ADAMTS12: variants seen among roughly 807,000 people sequenced by gnomAD.
ADAMTS12 encodes the protein A disintegrin and metalloproteinase with thrombospondin motifs 12.
A neutral mutation model predicts 167.8 loss-of-function variants in ADAMTS12; 118 were observed. The observed-to-expected ratio is 0.70, with a 90% confidence interval of 0.61 to 0.82. The LOEUF is 0.82. ADAMTS12 is among the 40% of genes least tolerant of loss of function. The probability of loss-of-function intolerance (pLI) is 0.00; values close to 1 mark genes in which losing one functional copy is unlikely to be tolerated. For missense variants in ADAMTS12, 1,916 were observed against 1,998.8 expected, an observed-to-expected ratio of 0.96 and a Z score of 0.79; for synonymous variants, 704 against 716.9, an observed-to-expected ratio of 0.98 and a Z score of 0.29.
chr5:33,551,857 C>T (rs1393555674), intron 20 of ADAMTS12, among the ~76,000 whole-genome samples: 2 of 152,194 alleles, frequency 1.3e-5, no homozygotes, highest in African/African-American at 4.8e-5. Flanking sequence ...CACTCCAGTC[C>T]TAACGCTCTT....
intron 16 of ADAMTS12, among the ~76,000 whole-genome samples, chr5:33,604,631 G>T (rs1452848301): frequency 2.1e-5 from 3 of 143,094 alleles, no homozygotes; most frequent in South Asian, 4.4e-4. Flanking sequence ...TTCTAATCAA[G>T]AGCTCAGCCG....
chr5:33,886,986 C>A (rs926168262), intron 1 of ADAMTS12, among the ~76,000 whole-genome samples: 5 of 151,926 alleles, frequency 3.3e-5, no homozygotes, highest in African/African-American at 1.2e-4. Flanking sequence ...AACTTGGCTA[C>A]CCGGGATCAC....
chr5:33,870,811 C>A (rs1750012466), intron 2 of ADAMTS12, among the ~76,000 whole-genome samples: 1 of 152,142 alleles, frequency 6.6e-6, no homozygotes, highest in South Asian at 2.1e-4. Flanking sequence ...GTAGTGCCTA[C>A]CCCTTCGCTT....
At chr5:33,541,411 C>T (rs1432313591) in intron 22 of ADAMTS12, among the ~76,000 whole-genome samples, 1 of 152,182 alleles carries the variant, frequency 6.6e-6, no homozygotes, top group Non-Finnish European at 1.5e-5. Context: ...AAACACTCTT[C>T]AAGATATTAT....
intron 3 of ADAMTS12, among the ~76,000 whole-genome samples, chr5:33,745,090 T>C (rs1744733107): frequency 6.6e-6 from 1 of 152,176 alleles, no homozygotes; most frequent in African/African-American, 2.4e-5. Context: ...AGCACTGGCA[T>C]TGCAGGCATG....
At position 33,878,992 on chromosome 5, in the gene ADAMTS12, A is replaced by C. The variant is rs576632101; in HGVS notation, c.489+2127T>G. ...AAGCAAATCTACAGAGACCAAATGT[A>C]GATCAGTGGTTCCCTAGGAGTGGAG... On this transcript the variant is annotated intron_variant, in intron 2 of 23. Coordinates refer to ENST00000504830, the MANE Select transcript of ADAMTS12 (RefSeq NM_030955.4). Among the ~76,000 whole-genome samples, 10 of 152,346 alleles carry C rather than the reference A, an allele frequency of 6.6e-5. No individual in the cohort carries two copies. The East Asian group carries it at 1.9e-3, about 29-fold the overall frequency.
At chr5:33,535,648 G>C (rs1025624804) in intron 22 of ADAMTS12, among the ~76,000 whole-genome samples, 4 of 152,172 alleles carry the variant, frequency 2.6e-5, no homozygotes, top group African/African-American at 9.7e-5. Flanking sequence ...ATGAGTATAT[G>C]GAGTGAAACA....
At chr5:33,545,591 G>T (rs1177361779) in intron 22 of ADAMTS12, among the ~76,000 whole-genome samples, 3 of 152,088 alleles carry the variant, frequency 2.0e-5, no homozygotes, top group Admixed American at 2.0e-4. Context: ...ATTCACAACA[G>T]CAAAGACTTG....
chr5:33,737,315 A>G (rs79610522), intron 3 of ADAMTS12, among the ~76,000 whole-genome samples: 5,409 of 152,230 alleles, frequency 0.036, 331 homozygotes, highest in African/African-American at 0.12. Flanking sequence ...AAGTTTCCCA[A>G]TCCCTTATCT....
intron 3 of ADAMTS12, among the ~76,000 whole-genome samples, chr5:33,688,087 C>A (rs893035280): frequency 2.0e-5 from 3 of 152,164 alleles, no homozygotes; most frequent in African/African-American, 7.2e-5. Flanking sequence ...TCTTCTTTGG[C>A]CTTTGCCCCA....
chr5:33,723,145 C>T (rs925887475), intron 3 of ADAMTS12, among the ~76,000 whole-genome samples: 7 of 152,190 alleles, frequency 4.6e-5, no homozygotes, highest in Non-Finnish European at 1.0e-4. Flanking sequence ...TGCTCTCCTC[C>T]TATGCCCTCA....
At chr5:33,784,173 T>G (rs957649294) in intron 2 of ADAMTS12, among the ~76,000 whole-genome samples, 5 of 151,652 alleles carry the variant, frequency 3.3e-5, no homozygotes, top group African/African-American at 1.2e-4. Flanking sequence ...TAACAGAAAC[T>G]TCAGGAAACT....
At chr5:33,881,053 G>C (rs766513764) in intron 2 of ADAMTS12, 66 bp downstream of exon 2, 30 of 1,563,184 alleles carry the variant, frequency 1.9e-5, no homozygotes, top group Non-Finnish European at 2.6e-5. Flanking sequence ...CCTGTTGGTA[G>C]TAGGTCTACC....
rs530557328 is a variant in ADAMTS12 at position 33,772,661 on chromosome 5, T to C, written c.490-21113A>G. 1.2e-3 allele frequency among the ~76,000 whole-genome samples: 186 copies of C among 152,328 alleles called. 1 individual carries two copies. The highest frequency in any genetic ancestry group is 1.8e-3 in the Non-Finnish European group (120 of 68,022). ...TTCTTGAAAAAGAGCAGCTTGGCTGTGCTTCATAAACCCTTAGCATAGTGA... is the reference window on the plus strand; with the variant it reads ...TTCTTGAAAAAGAGCAGCTTGGCTGCGCTTCATAAACCCTTAGCATAGTGA... On this transcript the variant is annotated intron_variant, in intron 2 of 23. Coordinates refer to ENST00000504830, the MANE Select transcript of ADAMTS12 (RefSeq NM_030955.4).
chr5:33,676,009 C>T (rs2112246408), intron 5 of ADAMTS12, among the ~76,000 whole-genome samples: 1 of 152,288 alleles, frequency 6.6e-6, no homozygotes, highest in Non-Finnish European at 1.5e-5. Context: ...CCCATTCACA[C>T]TATTTTTTCC....
intron 19 of ADAMTS12, among the ~76,000 whole-genome samples, chr5:33,570,498 G>A (rs1396239745): frequency 6.6e-6 from 1 of 152,044 alleles, no homozygotes; most frequent in Non-Finnish European, 1.5e-5. Context: ...GCCAAACTAA[G>A]CTTCATAAGT....
At chr5:33,850,996 T>C (rs1174844203) in intron 2 of ADAMTS12, among the ~76,000 whole-genome samples, 2 of 152,240 alleles carry the variant, frequency 1.3e-5, no homozygotes, top group Non-Finnish European at 2.9e-5. Context: ...TTAGAGCTTC[T>C]GGCTAGATGG....
chr5:33,535,022 A>G, intron 22 of ADAMTS12, 30 bp from the exon 23 acceptor site: 2 of 1,567,926 alleles, frequency 1.3e-6, no homozygotes, highest in Non-Finnish European at 1.7e-6. Flanking sequence ...GAGAGTCAGA[A>G]GTCCTCCCCA....
chr5:33,636,003 G>C (rs994759749), intron 12 of ADAMTS12, among the ~76,000 whole-genome samples: 2 of 152,230 alleles, frequency 1.3e-5, no homozygotes, highest in African/African-American at 4.8e-5. Flanking sequence ...TCCAGAGTGA[G>C]TGGAATTGAT....
Sources: allele counts gnomAD v4.1 joint callset (sites outside exome capture counted in the v4.1 genomes callset), GRCh38; gene constraint gnomAD v4.1.1; transcripts MANE v1.5; gene names NCBI Gene and HGNC (gene_info 2026-07-23, HGNC 2026-07-21).